The following GABBR2 variants were observed in gnomAD, a reference collection of about 807,000 sequenced individuals.
GABBR2 encodes gamma-aminobutyric acid type B receptor subunit 2.
Under a neutral mutation model 105.6 loss-of-function variants are expected in GABBR2, and 23 were observed. That is an observed-to-expected ratio of 0.22 (90% CI 0.16 to 0.31). The LOEUF is 0.31. GABBR2 is among the 10% of genes least tolerant of loss of function. The probability of loss-of-function intolerance (pLI) is 1.00; values close to 1 mark genes in which losing one functional copy is unlikely to be tolerated. For missense variants in GABBR2, 734 were observed against 1,245.5 expected, an observed-to-expected ratio of 0.59 and a Z score of 6.18; for synonymous variants, 478 against 499.7, an observed-to-expected ratio of 0.96 and a Z score of 0.58.
chr9:98,447,684 T>G (rs1226482918), intron 7 of GABBR2, among the ~76,000 whole-genome samples: 1 of 151,986 alleles, frequency 6.6e-6, no homozygotes, highest in Non-Finnish European at 1.5e-5. Context: ...CATTGCAAAT[T>G]CCCCTGGAAC....
chr9:98,530,576 G>T (rs965982731), intron 3 of GABBR2, among the ~76,000 whole-genome samples: 1 of 152,242 alleles, frequency 6.6e-6, no homozygotes, highest in Admixed American at 6.5e-5. Context: ...CCAGAAGTTC[G>T]AGACCAGCCT....
intron 6 of GABBR2, among the ~76,000 whole-genome samples, chr9:98,468,941 A>T (rs1277998389): frequency 6.6e-6 from 1 of 152,206 alleles, no homozygotes; most frequent in East Asian, 1.9e-4. Context: ...AGTTGGGATT[A>T]GGAGTCCTGG....
At chr9:98,337,530 C>T (rs554470121) in intron 13 of GABBR2, among the ~76,000 whole-genome samples, 1 of 152,132 alleles carries the variant, frequency 6.6e-6, no homozygotes, top group Non-Finnish European at 1.5e-5. Context: ...ATAGCTAAAA[C>T]AATCTTGCAA....
At chr9:98,362,374 G>A (rs1831600863) in intron 13 of GABBR2, among the ~76,000 whole-genome samples, 1 of 152,152 alleles carries the variant, frequency 6.6e-6, no homozygotes, top group Non-Finnish European at 1.5e-5. Flanking sequence ...CACACTAGTA[G>A]CACTTTTTAG....
intron 13 of GABBR2, 121 bp downstream of exon 13, chr9:98,362,594 T>G: frequency 4.3e-6 from 3 of 695,832 alleles, no homozygotes; most frequent in Non-Finnish European, 6.4e-6. Flanking sequence ...TGGAAGGAAA[T>G]GGAACTGATG....
At chr9:98,585,088 A>G (rs1564122245) in intron 1 of GABBR2, among the ~76,000 whole-genome samples, 1 of 152,134 alleles carries the variant, frequency 6.6e-6, no homozygotes, top group Non-Finnish European at 1.5e-5. Context: ...GAGTCATTTC[A>G]CAAACAGCCT....
At chr9:98,512,820 G>A (rs1264755138) in intron 3 of GABBR2, among the ~76,000 whole-genome samples, 1 of 152,132 alleles carries the variant, frequency 6.6e-6, no homozygotes, top group East Asian at 1.9e-4. Context: ...CGTGCAAATG[G>A]CCACACTGCC....
intron 8 of GABBR2, among the ~76,000 whole-genome samples, chr9:98,404,732 C>CA (rs962717041): frequency 1.9e-4 from 29 of 152,200 alleles, no homozygotes; most frequent in African/African-American, 6.7e-4. Flanking sequence ...CCTCATCACA[C>CA]AAAGAAATTG....
At chr9:98,420,311 C>T (rs12552849) in intron 7 of GABBR2, among the ~76,000 whole-genome samples, 42,971 of 151,986 alleles carry the variant, frequency 0.28, 6,983 homozygotes, top group East Asian at 0.51. Flanking sequence ...CCTGGAGCCT[C>T]GCCTAACTGG....
intron 3 of GABBR2, among the ~76,000 whole-genome samples, chr9:98,529,414 T>C (rs190117874): frequency 2.0e-5 from 3 of 152,352 alleles, no homozygotes; most frequent in Admixed American, 2.0e-4. Context: ...TCTCCCTGCA[T>C]TGCTAAGAAG....
intron 1 of GABBR2, among the ~76,000 whole-genome samples, chr9:98,597,464 T>C (rs533537116): frequency 4.1e-4 from 62 of 152,200 alleles, no homozygotes; most frequent in Non-Finnish European, 8.2e-4. Flanking sequence ...CTCATGAAGC[T>C]GCATGTCCAC....
At chr9:98,595,231 G>A (rs1829215930) in intron 1 of GABBR2, among the ~76,000 whole-genome samples, 1 of 152,068 alleles carries the variant, frequency 6.6e-6, no homozygotes, top group African/African-American at 2.4e-5. Flanking sequence ...GGTGGGAGGG[G>A]AGAACAAGCT....
In GABBR2 at chr9:98,371,523, T is replaced by C; in HGVS notation, c.1711A>G (p.Met571Val). 2.5e-6 allele frequency: 4 copies of C among 1,613,048 alleles called. No homozygotes were observed. The highest frequency in any genetic ancestry group is 3.4e-6 in the Non-Finnish European group (4 of 1,179,044). ...TGGACTCTCCAGGTCTTTGCAAACA[T>C]GGCCCCAAAAGCGGTCGTGTAGCCC... ...TVGYTTAFGA[M>V]FAKTWRVHAI... The change falls in exon 12 of 19, where the codon ATG (methionine) becomes GTG (valine). Residue 571 changes from methionine to valine, a missense_variant. Physicochemically the swap from Met to Val is conservative, Grantham distance 21. Transcript: ENST00000259455.
intron 7 of GABBR2, among the ~76,000 whole-genome samples, chr9:98,425,842 G>A (rs1352961947): frequency 1.3e-5 from 2 of 152,156 alleles, no homozygotes; most frequent in South Asian, 2.1e-4. Context: ...GTCCTACCCC[G>A]GGTTGGCTGT....
chr9:98,307,370 T>C (rs549994013), intron 14 of GABBR2, among the ~76,000 whole-genome samples: 2 of 151,906 alleles, frequency 1.3e-5, no homozygotes, highest in East Asian at 1.9e-4. Context: ...GGCAGAATGG[T>C]GGTGTGGTGG....
intron 1 of GABBR2, among the ~76,000 whole-genome samples, chr9:98,682,241 C>A (rs553910225): frequency 4.4e-4 from 62 of 140,902 alleles, no homozygotes; most frequent in South Asian, 3.6e-3. Context: ...AAAAAAAAAA[C>A]AAAACAAAAA....
chr9:98,547,427 TTA>T (rs1230060713), intron 2 of GABBR2, among the ~76,000 whole-genome samples: 1 of 117,342 alleles, frequency 8.5e-6, no homozygotes, highest in Non-Finnish European at 1.9e-5. Context: ...ATATATATAT[TTA>T]TATTATATTC....
chr9:98,506,557 G>A (rs772213016), intron 3 of GABBR2, among the ~76,000 whole-genome samples: 4 of 152,082 alleles, frequency 2.6e-5, no homozygotes, highest in Non-Finnish European at 5.9e-5. Flanking sequence ...GCAGACACAG[G>A]GGTGAGTCCC....
In GABBR2 at chr9:98,608,182, G is replaced by A. The variant is rs149070759; in HGVS notation, c.322-30110C>T. On this transcript the variant is annotated intron_variant, in intron 1 of 18. Transcript: ENST00000259455. ...GTATTAGTTGCCAATATGCCAGCTT[G>A]GACATCAGTGTTTGTTGGATCCGTT... The A allele has an allele frequency of 8.7e-3, 9,174 of 1,059,180 alleles. 45 individuals carry two copies. Among genetic ancestry groups the A allele is most frequent in the Non-Finnish European group, 9.9e-3 (6,966 of 706,920 alleles). The allele number at this position is 1,059,180 out of a possible 1,614,324, so 65.6% of individuals were successfully genotyped here.
Sources: allele counts gnomAD v4.1 joint callset (sites outside exome capture counted in the v4.1 genomes callset), GRCh38; gene constraint gnomAD v4.1.1; transcripts MANE v1.5; gene names NCBI Gene and HGNC (gene_info 2026-07-23, HGNC 2026-07-21).